Variants in MYDGF observed in about 807,000 individuals in gnomAD.
The protein encoded by MYDGF is myeloid derived growth factor.
Under a neutral mutation model 24.2 loss-of-function variants are expected in MYDGF, and 29 were observed. The observed-to-expected ratio is 1.20, with a 90% CI of 0.89 to 1.63. MYDGF has a LOEUF of 1.63. MYDGF is among the 40% of genes most tolerant of loss of function. The pLI, the probability that MYDGF is intolerant of heterozygous loss-of-function variation, is 0.00. For synonymous variants in MYDGF, 105 were observed against 102.5 expected, an observed-to-expected ratio of 1.02 and a Z score of -0.15; for missense variants, 245 against 234.8, an observed-to-expected ratio of 1.04 and a Z score of -0.29.
chr19:4,665,404 C>T (rs987807916), intron 2 of MYDGF, among the ~76,000 whole-genome samples: 4 of 152,102 alleles, frequency 2.6e-5, no homozygotes, highest in African/African-American at 9.7e-5. Flanking sequence ...ACTGTCTTGC[C>T]ATATTGCCCA....
intron 3 of MYDGF, among the ~76,000 whole-genome samples, chr19:4,662,725 G>A (rs1403803932): frequency 6.6e-6 from 1 of 152,090 alleles, no homozygotes; most frequent in Admixed American, 6.5e-5. Context: ...GTCCTTCAGA[G>A]AACATGCTGG....
intron 1 of MYDGF, among the ~76,000 whole-genome samples, chr19:4,668,937 G>T (rs570825136): frequency 3.3e-5 from 5 of 150,692 alleles, no homozygotes; most frequent in African/African-American, 1.2e-4. Context: ...TCTGCCTCCC[G>T]GGTTCAAACG....
intron 3 of MYDGF, among the ~76,000 whole-genome samples, chr19:4,661,763 A>G (rs1300179968): frequency 6.6e-6 from 1 of 152,146 alleles, no homozygotes; most frequent in East Asian, 1.9e-4. Flanking sequence ...GGGAGGGTCC[A>G]GTCACTGTCT....
At chr19:4,665,820 C>CAAA (rs533879529) in intron 2 of MYDGF, among the ~76,000 whole-genome samples, 952 of 45,406 alleles carry the variant, frequency 0.021, 144 homozygotes, top group Non-Finnish European at 0.037. Flanking sequence ...GACTCTGTCT[C>CAAA]AAAAAAAAAA....
rs1354271690 is a variant in MYDGF at position 4,670,308 on chromosome 19, G to A, written c.27C>T (p.Asn9=). MAAPSGGW[N]GVGASLWAAL... ...CGGCCCACAAGCTCGCGCCGACGCC[G>A]TTCCACCCTCCGCTGGGCGCCGCCA... The change falls in exon 1 of 6, where the codon AAC becomes AAT. Residue 9 remains asparagine, a synonymous_variant. Coordinates refer to ENST00000262947, the MANE Select transcript of MYDGF (RefSeq NM_019107.4). 1.2e-5 allele frequency: 18 copies of A among 1,488,948 alleles called. No homozygotes were observed. The highest frequency in any genetic ancestry group is 4.9e-5 in the Admixed American group (2 of 41,196). 92.2% of individuals were successfully genotyped at this position (1,488,948 alleles called of 1,614,324 possible). A position where few individuals can be genotyped will look rare whatever the true frequency, so the allele number is the denominator to read the frequency against.
At chr19:4,662,769 CCTTCT>C (rs2088480639) in intron 3 of MYDGF, among the ~76,000 whole-genome samples, 1 of 152,018 alleles carries the variant, frequency 6.6e-6, no homozygotes, top group Admixed American at 6.6e-5. Context: ...AGCTGGGGCC[CCTTCT>C]GGTGGGACAC....
Position 4,659,918 on chromosome 19 carries a change from C to T in MYDGF, c.442+13G>A. 6.2e-7 allele frequency: 1 copy of T among 1,613,414 alleles called. No individual in the cohort carries two copies. The highest frequency in any genetic ancestry group is 8.5e-7 in the Non-Finnish European group (1 of 1,179,428). On this transcript the variant is annotated intron_variant, in intron 5 of 5. Coordinates refer to ENST00000262947, the MANE Select transcript of MYDGF (RefSeq NM_019107.4). The stretch of plus-strand genomic sequence containing the variant: ...GGTGGCGTCACCTCTACCCCATCCC[C>T]ATCTTTCCGTACCTGCTGTTTTGGT...
chr19:4,668,457 T>C (rs1440471143), intron 2 of MYDGF, 138 bp downstream of exon 2: 9 of 661,310 alleles, frequency 1.4e-5, no homozygotes, highest in Non-Finnish European at 2.4e-5. Flanking sequence ...TACTCTCCCT[T>C]TTTATTGGTT....
intron 3 of MYDGF, among the ~76,000 whole-genome samples, chr19:4,664,326 T>G (rs2088503684): frequency 6.6e-6 from 1 of 151,990 alleles, no homozygotes; most frequent in Non-Finnish European, 1.5e-5. Context: ...TCTCAGTTTT[T>G]AAACATTGCC....
rs1211075674 is a variant in MYDGF, at chr19:4,670,222, A to G, written c.113T>C (p.Val38Ala). The G allele has an allele frequency of 6.4e-7, 1 of 1,562,776 alleles. No homozygotes were observed. Among genetic ancestry groups the G allele is most frequent in the Non-Finnish European group, 8.6e-7 (1 of 1,157,646 alleles). The change falls in exon 1 of 6, where the codon GTG becomes GCG. Residue 38 changes from valine to alanine, a missense_variant. Transcript: ENST00000262947. Reference sequence around the variant, plus strand: ...GCCGCCGGGCCGCACGTCAAACGCCACCGTCGTGGGCTCGGACACCGCCTC... The same window carrying G: ...GCCGCCGGGCCGCACGTCAAACGCCGCCGTCGTGGGCTCGGACACCGCCTC... ...PAEAVSEPTT[V>A]AFDVRPGGVV...
Position 4,668,594 on chromosome 19 carries a change from C to T in MYDGF, c.225+1G>A, listed in dbSNP as rs111741122. On this transcript the variant is annotated splice_donor_variant, in intron 2 of 5. Coordinates refer to ENST00000262947, the MANE Select transcript of MYDGF (RefSeq NM_019107.4). LOFTEE classifies it high-confidence loss of function. ...GCTAGAGGGAATTTTGAACAACTCA[C>T]CTCATTGGTCCCTCCTTGAGAGGCG... is the stretch of plus-strand genomic sequence containing the variant. 1 of 1,610,638 alleles carries T rather than the reference C, an allele frequency of 6.2e-7. No homozygotes were observed. Among genetic ancestry groups the T allele is most frequent in the South Asian group, 1.1e-5 (1 of 91,030 alleles).
intron 3 of MYDGF, among the ~76,000 whole-genome samples, chr19:4,661,115 C>T (rs1259619154): frequency 6.6e-6 from 1 of 151,904 alleles, no homozygotes; most frequent in Non-Finnish European, 1.5e-5. Context: ...TACAGGCACC[C>T]GCGACCACAT....
chr19:4,667,625 G>A lies in MYDGF; in HGVS notation c.225+970C>T, dbSNP rs2088531600. Among the ~76,000 whole-genome samples the A allele has an allele frequency of 2.0e-5, 3 of 152,208 alleles. No individual in the cohort carries two copies. In the South Asian group the frequency reaches 6.2e-4, roughly 32 times the overall value. ...CCAGCTGGAGACAACAGCCAGCAAGGAAACCGGGACCTTGGTCCCTGAACC... is the reference window on the plus strand; with the variant it reads ...CCAGCTGGAGACAACAGCCAGCAAGAAAACCGGGACCTTGGTCCCTGAACC... On this transcript the variant is annotated intron_variant, in intron 2 of 5. Coordinates refer to ENST00000262947, the MANE Select transcript of MYDGF (RefSeq NM_019107.4).
chr19:4,660,255 A>AC (rs1000979147), intron 4 of MYDGF, among the ~76,000 whole-genome samples: 1 of 152,004 alleles, frequency 6.6e-6, no homozygotes, highest in Non-Finnish European at 1.5e-5. Context: ...CCTCCTGAGT[A>AC]GGTGGGACTA....
intron 3 of MYDGF, among the ~76,000 whole-genome samples, chr19:4,663,546 A>ACCC (rs2088493456): frequency 1.1e-4 from 1 of 8,794 alleles, no homozygotes; most frequent in Non-Finnish European, 2.2e-4. Context: ...CCTCCAATCT[A>ACCC]TCCTCCCCAC....
At chr19:4,663,420 CT>C (rs1220472254) in intron 3 of MYDGF, among the ~76,000 whole-genome samples, 13 of 143,236 alleles carry the variant, frequency 9.1e-5, no homozygotes, top group African/African-American at 3.2e-4. Context: ...TCTGTGCCCT[CT>C]CCACCCACCC....
Position 4,659,926 on chromosome 19 carries a change from C to A in MYDGF, c.442+5G>T. The A allele has an allele frequency of 6.2e-7, 1 of 1,613,802 alleles. No homozygotes were observed. Among genetic ancestry groups the A allele is most frequent in the Admixed American group, 1.7e-5 (1 of 60,016 alleles). Reference sequence around the variant, plus strand: ...CACCTCTACCCCATCCCCATCTTTCCGTACCTGCTGTTTTGGTCACTTCAA... The same window carrying A: ...CACCTCTACCCCATCCCCATCTTTCAGTACCTGCTGTTTTGGTCACTTCAA... On this transcript the variant is annotated splice_donor_5th_base_variant and intron_variant, in intron 5 of 5. Coordinates refer to ENST00000262947, the MANE Select transcript of MYDGF (RefSeq NM_019107.4).
At chr19:4,658,554 C>T (rs2088442285) in intron 5 of MYDGF, among the ~76,000 whole-genome samples, 1 of 152,134 alleles carries the variant, frequency 6.6e-6, no homozygotes, top group South Asian at 2.1e-4. Flanking sequence ...GTCTCCCGGC[C>T]CTACCTGCTG....
chr19:4,659,208 T>G (rs2088449680), intron 5 of MYDGF, among the ~76,000 whole-genome samples: 1 of 152,102 alleles, frequency 6.6e-6, no homozygotes, highest in South Asian at 2.1e-4. Flanking sequence ...CCTAAGTAGC[T>G]GAGACTACAG....
Sources: allele counts gnomAD v4.1 joint callset (sites outside exome capture counted in the v4.1 genomes callset), GRCh38; gene constraint gnomAD v4.1.1; transcripts MANE v1.5; gene names NCBI Gene and HGNC (gene_info 2026-07-23, HGNC 2026-07-21).